SHROOM2: variants seen among roughly 807,000 people sequenced by gnomAD.
SHROOM2 encodes shroom family member 2, also known as protein Shroom2.
Under a neutral mutation model 75.9 loss-of-function variants are expected in SHROOM2, and 33 were observed. The ratio of observed to expected loss-of-function variants is 0.43; its 90% confidence interval spans 0.33 to 0.58. SHROOM2 has a LOEUF of 0.58. Among genes scored for constraint, SHROOM2 ranks in the 20% least tolerant of loss-of-function variants. SHROOM2 has a pLI of 0.04. For missense variants in SHROOM2, 1,434 were observed against 1,461.2 expected, an observed-to-expected ratio of 0.98 and a Z score of 0.30; for synonymous variants, 655 against 663.6, an observed-to-expected ratio of 0.99 and a Z score of 0.20.
At chrX:9,827,636 C>T (rs1176964033) in intron 1 of SHROOM2, among the ~76,000 whole-genome samples, 4 of 108,754 alleles carry the variant, frequency 3.7e-5, no homozygotes, top group East Asian at 2.9e-4. Context: ...AGGCTGGGGC[C>T]GAGGGATTTT....
intron 1 of SHROOM2, among the ~76,000 whole-genome samples, chrX:9,859,869 C>T (rs1354997341): frequency 1.8e-5 from 2 of 111,064 alleles, no homozygotes; most frequent in African/African-American, 3.3e-5. Context: ...CTGCTAGAGG[C>T]GAGAGAGAAG....
intron 5 of SHROOM2, among the ~76,000 whole-genome samples, chrX:9,898,494 A>C (rs1159393693): frequency 8.9e-6 from 1 of 112,615 alleles, no homozygotes; most frequent in Non-Finnish European, 1.9e-5. Flanking sequence ...CTGGAGACAC[A>C]TCCCAGGGCG....
intron 5 of SHROOM2, among the ~76,000 whole-genome samples, chrX:9,903,094 A>G: frequency 8.9e-6 from 1 of 112,553 alleles, no homozygotes; most frequent in East Asian, 2.8e-4. Context: ...GTTTTCCCTG[A>G]GAGGTGACTT....
At chrX:9,886,236 C>T (rs1443239550) in intron 2 of SHROOM2, among the ~76,000 whole-genome samples, 3 of 112,650 alleles carry the variant, frequency 2.7e-5, no homozygotes, top group East Asian at 5.7e-4. Flanking sequence ...ATGCCTTCTG[C>T]ACATGCATTC....
At chrX:9,876,804 G>T (rs986611773) in intron 2 of SHROOM2, among the ~76,000 whole-genome samples, 5 of 112,281 alleles carry the variant, frequency 4.5e-5, no homozygotes, top group African/African-American at 1.6e-4. Context: ...ACAGGAATCC[G>T]TGGTTTTTTG....
intron 5 of SHROOM2, chrX:9,912,597 G>C (rs1330309292): frequency 8.9e-6 from 1 of 111,788 alleles, no homozygotes; most frequent in East Asian, 2.8e-4. Flanking sequence ...GGTAAGCAGA[G>C]CCGGGTAAGG....
At chrX:9,885,472 A>G (rs2084255908) in intron 2 of SHROOM2, among the ~76,000 whole-genome samples, 1 of 111,094 alleles carries the variant, frequency 9.0e-6, no homozygotes, top group African/African-American at 3.3e-5. Flanking sequence ...AGGTGCCAAC[A>G]AACAGAAACC....
intron 1 of SHROOM2, among the ~76,000 whole-genome samples, chrX:9,798,914 A>G (rs1006373614): frequency 9.0e-6 from 1 of 111,537 alleles, no homozygotes; most frequent in African/African-American, 3.3e-5. Flanking sequence ...TGCTGCTTCA[A>G]TCATATTTAT....
chrX:9,898,565 C>T (rs775271857), intron 5 of SHROOM2, among the ~76,000 whole-genome samples: 45 of 112,059 alleles, frequency 4.0e-4, no homozygotes, highest in African/African-American at 1.5e-3. Context: ...CTGTGTTTTC[C>T]GCACGGTGAG....
chrX:9,792,052 AATAG>A (rs2083657308), intron 1 of SHROOM2, among the ~76,000 whole-genome samples: 1 of 2,038 alleles, frequency 4.9e-4, no homozygotes, highest in Admixed American at 0.01. Context: ...AATAGAATAG[AATAG>A]AATAGAATAG....
At chrX:9,921,783 C>T (rs1429584362) in intron 5 of SHROOM2, among the ~76,000 whole-genome samples, 2 of 112,336 alleles carry the variant, frequency 1.8e-5, no homozygotes, top group Admixed American at 9.5e-5. Context: ...CAAGATTTCC[C>T]TCCTTTTTAA....
intron 1 of SHROOM2, among the ~76,000 whole-genome samples, chrX:9,852,995 C>T (rs183455434): frequency 3.6e-3 from 405 of 111,685 alleles, no homozygotes; most frequent in Admixed American, 6.3e-3. Context: ...CTAGAAAAGC[C>T]GGCATCTTTA....
intron 1 of SHROOM2, among the ~76,000 whole-genome samples, chrX:9,827,240 T>TTTTTTTTTTTG (rs2083892696): frequency 1.0e-5 from 1 of 98,797 alleles, no homozygotes. Flanking sequence ...TTTTTTTTTT[T>TTTTTTTTTTTG]GAGACAGGGT....
At chrX:9,858,006 C>T (rs943361801) in intron 1 of SHROOM2, among the ~76,000 whole-genome samples, 8 of 111,466 alleles carry the variant, frequency 7.2e-5, no homozygotes, top group Middle Eastern at 4.2e-3. Flanking sequence ...CGAGCGCTGG[C>T]GTGTGCACTC....
At chrX:9,820,539 GT>G (rs1269054495) in intron 1 of SHROOM2, among the ~76,000 whole-genome samples, 22 of 110,709 alleles carry the variant, frequency 2.0e-4, no homozygotes, top group Non-Finnish European at 1.1e-4. Flanking sequence ...AATTAAAAAG[GT>G]TTTTTTTAGA....
chrX:9,845,199 G>T (rs1029919381), intron 1 of SHROOM2, among the ~76,000 whole-genome samples: 1 of 112,327 alleles, frequency 8.9e-6, no homozygotes, highest in African/African-American at 3.2e-5. Flanking sequence ...GCTGTAGTTG[G>T]CCGACCCTTA....
intron 1 of SHROOM2, among the ~76,000 whole-genome samples, chrX:9,855,120 G>C (rs2084060672): frequency 9.4e-6 from 1 of 106,498 alleles, no homozygotes; most frequent in Non-Finnish European, 1.9e-5. Context: ...TGGACACAGG[G>C]AGGGAAACAT....
rs147587822 is a variant in SHROOM2, at chrX:9,870,824, G to A, written c.166-2828G>A. ...TGGTTATGTCTAAAACTTTGAGTTG[G>A]GTTTTTGATACTTGACTTGTTTTGT... On this transcript the variant is annotated intron_variant, in intron 1 of 9. Coordinates refer to ENST00000380913, the MANE Select transcript of SHROOM2 (RefSeq NM_001649.4). Among the ~76,000 whole-genome samples, 198 of 112,304 alleles carry A rather than the reference G, an allele frequency of 1.8e-3. 1 individual carries two copies. Among genetic ancestry groups the A allele is most frequent in the African/African-American group, 5.8e-3 (180 of 30,926 alleles).
At chrX:9,811,567 G>A (rs966158902) in intron 1 of SHROOM2, among the ~76,000 whole-genome samples, 1 of 111,858 alleles carries the variant, frequency 8.9e-6, no homozygotes, top group South Asian at 3.7e-4. Context: ...GCTTCTTCCC[G>A]TGAATTCAGC....
Sources: allele counts gnomAD v4.1 joint callset (sites outside exome capture counted in the v4.1 genomes callset), GRCh38; gene constraint gnomAD v4.1.1; transcripts MANE v1.5; gene names NCBI Gene and HGNC (gene_info 2026-07-23, HGNC 2026-07-21).